PHRF1: variants seen among roughly 807,000 people sequenced by gnomAD.
PHRF1 encodes the protein PHD and ring finger domains 1.
In PHRF1, 53 loss-of-function variants were observed where a neutral mutation model predicts 128.9. That is an observed-to-expected ratio of 0.41 (90% CI 0.33 to 0.52). The LOEUF (loss-of-function observed/expected upper bound fraction) is 0.52. Among genes scored for constraint, PHRF1 ranks in the 20% least tolerant of loss-of-function variants. The pLI is 0.21. For synonymous variants in PHRF1, 1,178 were observed against 980.6 expected, an observed-to-expected ratio of 1.20 and a Z score of -3.76; for missense variants, 2,503 against 2,284.5, an observed-to-expected ratio of 1.10 and a Z score of -1.95.
chr11:577,647 T>G (rs1475382406), intron 1 of PHRF1, among the ~76,000 whole-genome samples: 3 of 152,244 alleles, frequency 2.0e-5, no homozygotes, highest in African/African-American at 7.2e-5. Context: ...TCCATTGCAG[T>G]TGACAATTTT....
intron 3 of PHRF1, among the ~76,000 whole-genome samples, chr11:586,628 CG>C (rs1854583315): frequency 6.6e-6 from 1 of 152,182 alleles, no homozygotes; most frequent in Non-Finnish European, 1.5e-5. Context: ...TAGCAGTGCA[CG>C]TATGGGCTCT....
At chr11:584,356 C>G (rs1854397724) in intron 3 of PHRF1, among the ~76,000 whole-genome samples, 1 of 152,192 alleles carries the variant, frequency 6.6e-6, no homozygotes, top group South Asian at 2.1e-4. Flanking sequence ...GGGTTGGGGG[C>G]TGGAGTGAAG....
chr11:590,966 G>T (rs1281472600), intron 4 of PHRF1, among the ~76,000 whole-genome samples: 1 of 152,196 alleles, frequency 6.6e-6, no homozygotes, highest in East Asian at 1.9e-4. Flanking sequence ...GCCTCCCAAA[G>T]TGCTGGGATT....
chr11:592,605 CCTT>C lies in PHRF1; in HGVS notation c.554_556del (p.Phe185del). ...GCGAGCGAGGAGGAGGAGGACCCGA[CCTT>C]CTGTGAGGTGTGCGGCAGGAGCGAC... On this transcript the variant is annotated inframe_deletion, in exon 6 of 18. Coordinates refer to ENST00000264555, the MANE Select transcript of PHRF1 (RefSeq NM_001286581.2). 6 of 1,614,062 alleles carry C rather than the reference CCTT, an allele frequency of 3.7e-6. No individual in the cohort carries two copies. The highest frequency in any genetic ancestry group is 2.2e-5 in the South Asian group (2 of 91,086).
At chr11:596,809 A>G (rs1589881650) in intron 6 of PHRF1, 114 bp from the exon 7 acceptor site, 2 of 819,268 alleles carry the variant, frequency 2.4e-6, no homozygotes, top group East Asian at 5.1e-5. Flanking sequence ...CCATAACAGA[A>G]TGCATCGCAG....
chr11:603,729 G>GTTTT lies in PHRF1; in HGVS notation c.1153-1371_1153-1368dup, dbSNP rs71022937. ...TTTATCTAAAACCATATTTAAGTTT[G>GTTTT]TTTTTTTTTTTTTTTTTTTTTTGAG... On this transcript the variant is annotated intron_variant, in intron 10 of 17. Transcript: ENST00000264555. 9.4e-3 allele frequency among the ~76,000 whole-genome samples: 731 copies of GTTTT among 78,122 alleles called. 1 individual carries two copies. The highest frequency in any genetic ancestry group is 0.011 in the Middle Eastern group (1 of 90). 51.3% of individuals were successfully genotyped at this position (78,122 alleles called of 152,430 possible).
At position 592,513 on chromosome 11, in the gene PHRF1, G is replaced by A. The variant is rs376039581; in HGVS notation, c.505-46G>A. ...GCGTTTCACGCTGGGAAGTGACTGC[G>A]GGGAGTTTGGGTCCTGTGTGGTGGT... On this transcript the variant is annotated intron_variant, in intron 5 of 17. Coordinates refer to ENST00000264555, the MANE Select transcript of PHRF1 (RefSeq NM_001286581.2). 5.0e-4 allele frequency: 786 copies of A among 1,559,888 alleles called. 5 individuals are homozygous for A. In the Middle Eastern group the frequency reaches 0.015, roughly 30 times the overall value.
intron 5 of PHRF1, among the ~76,000 whole-genome samples, chr11:591,980 A>G (rs184310274): frequency 0.015 from 2,275 of 150,930 alleles, 61 homozygotes; most frequent in African/African-American, 0.053. Context: ...CAGTGGCACA[A>G]TCTCGGCTCA....
rs557097690 is a variant in PHRF1, at chr11:599,409, C to A, written c.1024+907C>A. Among the ~76,000 whole-genome samples, 7 of 152,052 alleles carry A rather than the reference C, an allele frequency of 4.6e-5. No individual in the cohort carries two copies. In the East Asian group the frequency reaches 1.4e-3, roughly 29 times the overall value. The stretch of plus-strand genomic sequence containing the variant: ...GGAATTACAGGCACCCGCCACCACA[C>A]CCACCTAGTTTTTGTATTTTTAGTA... On this transcript the variant is annotated intron_variant, in intron 9 of 17. Coordinates refer to ENST00000264555, the MANE Select transcript of PHRF1 (RefSeq NM_001286581.2).
chr11:596,091 C>T (rs1202221220), intron 6 of PHRF1, among the ~76,000 whole-genome samples: 1 of 152,274 alleles, frequency 6.6e-6, no homozygotes, highest in East Asian at 1.9e-4. Flanking sequence ...CAGTTCAGCC[C>T]GTGGTAAGTG....
chr11:590,235 G>C (rs1043045112), intron 4 of PHRF1, among the ~76,000 whole-genome samples: 2 of 152,256 alleles, frequency 1.3e-5, no homozygotes, highest in African/African-American at 2.4e-5. Context: ...AGAGGTGGGG[G>C]TGTCACACGT....
Position 597,674 on chromosome 11 carries a change from C to G in PHRF1, c.894+104C>G. 1 of 1,389,942 alleles carries G rather than the reference C, an allele frequency of 7.2e-7. No homozygotes were observed. Among genetic ancestry groups the G allele is most frequent in the Non-Finnish European group, 9.7e-7 (1 of 1,030,620 alleles). 86.1% of individuals were successfully genotyped at this position (1,389,942 alleles called of 1,614,324 possible). A position where few individuals can be genotyped will look rare whatever the true frequency, so the allele number is the denominator to read the frequency against. On this transcript the variant is annotated intron_variant, in intron 8 of 17. Coordinates refer to ENST00000264555, the MANE Select transcript of PHRF1 (RefSeq NM_001286581.2). The surrounding 1 kb of genome is among the most constrained non-coding windows in gnomAD (Gnocchi z 6.5). ...GGCGTCGTCGGCACTGTGGGGTCCG[C>G]CCGGCCCCGGTGGCTCATGTTGTTC...
chr11:591,440 T>C lies in PHRF1; in HGVS notation c.477T>C (p.Ala159=). ...TATTTAAGTGCATTTGTATTCGAGC[T>C]CAATTTGGTGGTAAAATCTTAAGAA... is the stretch of plus-strand genomic sequence containing the variant. ...RTLFKCICIR[A]QFGGKILRKI... is the part of the protein sequence containing the mutation. The change falls in exon 5 of 18, where the codon GCT becomes GCC. Residue 159 remains alanine (A), a synonymous_variant. Coordinates refer to ENST00000264555, the MANE Select transcript of PHRF1 (RefSeq NM_001286581.2). The C allele has an allele frequency of 6.2e-6, 10 of 1,609,530 alleles. No homozygotes were observed. In the South Asian group the frequency reaches 1.1e-4, roughly 18 times the overall value.
In PHRF1 at chr11:608,749, G is replaced by T; in HGVS notation, c.3293G>T (p.Ser1098Ile). The T allele has an allele frequency of 1.2e-6, 2 of 1,611,748 alleles. No individual in the cohort carries two copies. The highest frequency in any genetic ancestry group is 1.7e-6 in the Non-Finnish European group (2 of 1,179,588). The part of the protein sequence containing the change: ...TSRSRSGSPG[S>I]SSYEHYESRK... ...CGGTCGCGGTCGGGGAGCCCTGGCA[G>T]CTCTTCCTATGAGCACTATGAGAGT... The change falls in exon 14 of 18, where the codon AGC (serine) becomes ATC (isoleucine). Residue 1098 changes from serine to isoleucine, a missense_variant. By Grantham distance (142) the Ser-to-Ile change is moderately radical (BLOSUM62 -2). Coordinates refer to ENST00000264555, the MANE Select transcript of PHRF1 (RefSeq NM_001286581.2).
chr11:605,403 T>C, intron 11 of PHRF1, 103 bp downstream of exon 11: 2 of 1,506,430 alleles, frequency 1.3e-6, no homozygotes, highest in Non-Finnish European at 1.8e-6. Flanking sequence ...GTTTTGTGTT[T>C]GAGAGTGAGG....
chr11:587,063 G>T (rs560837954), intron 3 of PHRF1, among the ~76,000 whole-genome samples, 196 bp from the exon 4 acceptor site: 1 of 152,326 alleles, frequency 6.6e-6, no homozygotes, highest in Admixed American at 6.5e-5. Context: ...GAGGCTTCAG[G>T]TTAGGTGCAG....
intron 3 of PHRF1, among the ~76,000 whole-genome samples, chr11:585,726 G>A (rs141948484): frequency 7.0e-6 from 1 of 143,188 alleles, no homozygotes; most frequent in Non-Finnish European, 1.5e-5. Context: ...TGTTGCCCAG[G>A]CTGGAGTGCA....
At chr11:599,230 CTTTTTCTTTTTTTTTTTCTTTTCT>C (rs1407049595) in intron 9 of PHRF1, among the ~76,000 whole-genome samples, 19 of 140,950 alleles carry the variant, frequency 1.3e-4, no homozygotes, top group African/African-American at 4.4e-4. Context: ...AGCATGCATA[CTTTTTCTTTTTTTTTTTCTTTTCT>C]TTTTTTTTTT....
intron 1 of PHRF1, among the ~76,000 whole-genome samples, chr11:577,480 C>T (rs939095716): frequency 7.9e-5 from 12 of 152,242 alleles, no homozygotes; most frequent in African/African-American, 2.7e-4. Context: ...CCTGGACCAT[C>T]CGGTTTTCTT....
Sources: allele counts gnomAD v4.1 joint callset (sites outside exome capture counted in the v4.1 genomes callset), GRCh38; gene constraint gnomAD v4.1.1; non-coding constraint Gnocchi (gnomAD v3.1); transcripts MANE v1.5; gene names NCBI Gene and HGNC (gene_info 2026-07-23, HGNC 2026-07-21).